SDK1: variants seen among roughly 807,000 people sequenced by gnomAD.
The protein encoded by SDK1 is protein sidekick-1.
SDK1 carries 157 observed loss-of-function variants against 245.5 expected under a neutral mutation model. That is an observed-to-expected ratio of 0.64 (90% confidence interval 0.56 to 0.73). The LOEUF is 0.73. SDK1 is among the 30% of genes least tolerant of loss of function. SDK1 has a pLI of 0.00. For synonymous variants in SDK1, 1,647 were observed against 1,278.5 expected (o/e 1.29, Z -6.15); for missense variants, 3,583 against 3,002.3 (o/e 1.19, Z -4.52).
At chr7:3,643,438 G>T (rs945278870) in intron 4 of SDK1, 2 of 139,150 alleles carry the variant, frequency 1.4e-5, no homozygotes, top group Non-Finnish European at 3.0e-5. Context: ...ACCCCCACCT[G>T]AGCATCTGTG....
At chr7:3,681,178 T>C (rs1341499956) in intron 4 of SDK1, among the ~76,000 whole-genome samples, 2 of 138,874 alleles carry the variant, frequency 1.4e-5, no homozygotes, top group African/African-American at 5.4e-5. Context: ...ACCATCTGAG[T>C]ATGCCCCCGA....
intron 14 of SDK1, among the ~76,000 whole-genome samples, chr7:3,993,879 G>C (rs1784521169): frequency 6.6e-6 from 1 of 152,156 alleles, no homozygotes; most frequent in Non-Finnish European, 1.5e-5. Context: ...GTAAAGGACA[G>C]AGCCAGTGAG....
chr7:3,416,989 A>T (rs546720305), intron 1 of SDK1, among the ~76,000 whole-genome samples: 1 of 152,120 alleles, frequency 6.6e-6, no homozygotes, highest in Non-Finnish European at 1.5e-5. Flanking sequence ...TCTGGCCAAC[A>T]TGGTGAAACA....
intron 4 of SDK1, among the ~76,000 whole-genome samples, chr7:3,696,558 A>G (rs1044882370): frequency 8.1e-6 from 1 of 122,726 alleles, no homozygotes; most frequent in Non-Finnish European, 1.7e-5. Context: ...CACAGAGCTT[A>G]CATTTCTCTG....
At chr7:3,888,047 T>C (rs1299973572) in intron 5 of SDK1, among the ~76,000 whole-genome samples, 1 of 152,188 alleles carries the variant, frequency 6.6e-6, no homozygotes, top group Non-Finnish European at 1.5e-5. Context: ...TTCTTTTAAA[T>C]ATGTTTCAGT....
chr7:3,444,117 A>C (rs867735800), intron 1 of SDK1, among the ~76,000 whole-genome samples: 1 of 151,878 alleles, frequency 6.6e-6, no homozygotes, highest in Admixed American at 6.6e-5. Context: ...TTCCCTTTTT[A>C]CTTCTTTCCC....
At chr7:4,259,018 A>G (rs628183) in intron 44 of SDK1, among the ~76,000 whole-genome samples, 143,457 of 152,326 alleles carry the variant, frequency 0.94, 67,634 homozygotes, top group East Asian at 1. Context: ...AACCCAATTC[A>G]GGGGCTAATC....
At chr7:3,590,680 C>T (rs1048878350) in intron 1 of SDK1, among the ~76,000 whole-genome samples, 4 of 152,020 alleles carry the variant, frequency 2.6e-5, no homozygotes, top group African/African-American at 9.7e-5. Flanking sequence ...CTTAGCTGCG[C>T]ATTTACTTCA....
At chr7:3,517,333 T>C (rs189372980) in intron 1 of SDK1, among the ~76,000 whole-genome samples, 54 of 152,304 alleles carry the variant, frequency 3.5e-4, no homozygotes, top group African/African-American at 1.2e-3. Context: ...GCATATCCTC[T>C]TAATTATTTT....
intron 1 of SDK1, among the ~76,000 whole-genome samples, chr7:3,597,469 G>C (rs1781103754): frequency 6.6e-6 from 1 of 152,104 alleles, no homozygotes; most frequent in South Asian, 2.1e-4. Flanking sequence ...GATAGAAACA[G>C]GACACAGAAC....
At chr7:4,143,070 TAACTC>T (rs912798691) in intron 28 of SDK1, among the ~76,000 whole-genome samples, 13 of 152,120 alleles carry the variant, frequency 8.5e-5, no homozygotes, top group Non-Finnish European at 1.5e-4. Flanking sequence ...TGTAGGTAGT[TAACTC>T]AATCAGGCAT....
At chr7:3,469,691 C>T (rs1781123104) in intron 1 of SDK1, among the ~76,000 whole-genome samples, 1 of 152,112 alleles carries the variant, frequency 6.6e-6, no homozygotes, top group African/African-American at 2.4e-5. Flanking sequence ...ATTTTCTGAG[C>T]AGTTTGCTTG....
chr7:4,248,021 A>T (rs1787007734), intron 44 of SDK1, among the ~76,000 whole-genome samples: 1 of 152,178 alleles, frequency 6.6e-6, no homozygotes, highest in Non-Finnish European at 1.5e-5. Context: ...AACATGGGCT[A>T]ATGGAACGCA....
At chr7:3,495,045 G>C (rs953297744) in intron 1 of SDK1, among the ~76,000 whole-genome samples, 1 of 152,026 alleles carries the variant, frequency 6.6e-6, no homozygotes, top group Non-Finnish European at 1.5e-5. Context: ...TCTTCAATTT[G>C]TCTCTCTAAA....
chr7:3,378,633 CTGTT>C (rs1037185953), intron 1 of SDK1, among the ~76,000 whole-genome samples: 3 of 152,016 alleles, frequency 2.0e-5, no homozygotes, highest in Admixed American at 1.3e-4. Context: ...CTCTTTCATG[CTGTT>C]TGTTTACTTC....
At chr7:3,567,704 GT>G (rs1779971467) in intron 1 of SDK1, among the ~76,000 whole-genome samples, 1 of 152,162 alleles carries the variant, frequency 6.6e-6, no homozygotes, top group Admixed American at 6.5e-5. Context: ...GTTTTCTTTG[GT>G]TCTTTTTTGG....
intron 1 of SDK1, among the ~76,000 whole-genome samples, chr7:3,601,015 G>A (rs1215886766): frequency 6.6e-6 from 1 of 151,770 alleles, no homozygotes; most frequent in Non-Finnish European, 1.5e-5. Context: ...TGATGTGGTA[G>A]ATTCTTTCTT....
chr7:3,389,496 G>A (rs1379353634), intron 1 of SDK1, among the ~76,000 whole-genome samples: 2 of 152,176 alleles, frequency 1.3e-5, no homozygotes, highest in Non-Finnish European at 2.9e-5. Flanking sequence ...CACCTTCACT[G>A]TCATTCCTTT....
chr7:4,148,607 C>G (rs1780147353), intron 29 of SDK1, among the ~76,000 whole-genome samples: 1 of 152,214 alleles, frequency 6.6e-6, no homozygotes, highest in African/African-American at 2.4e-5. Context: ...AAAAGAGAGA[C>G]CAAAGGGACC....
Sources: allele counts gnomAD v4.1 joint callset (sites outside exome capture counted in the v4.1 genomes callset), GRCh38; gene constraint gnomAD v4.1.1; transcripts MANE v1.5; gene names NCBI Gene and HGNC (gene_info 2026-07-23, HGNC 2026-07-21).